UNC80: variants seen among roughly 807,000 people sequenced by gnomAD.
UNC80 encodes protein unc-80 homolog.
Under a neutral mutation model 384.6 loss-of-function variants are expected in UNC80, and 164 were observed. The observed-to-expected ratio is 0.43, with a 90% CI of 0.38 to 0.49. The LOEUF (loss-of-function observed/expected upper bound fraction) is 0.49, where lower values mean the gene tolerates loss of function less well. Ranked by LOEUF, UNC80 falls within the 20% of genes least tolerant of loss-of-function variation. The probability of loss-of-function intolerance (pLI) is 0.00; values close to 1 mark genes in which losing one functional copy is unlikely to be tolerated. For synonymous variants in UNC80, 1,486 were observed against 1,527.8 expected (o/e 0.97, Z 0.64); for missense variants, 3,330 against 4,143.0 (o/e 0.80, Z 5.39).
intron 22 of UNC80, among the ~76,000 whole-genome samples, chr2:209,866,521 CACACACACACACAGAGAGAGAGAGAG>C (rs1559226924): frequency 1.4e-3 from 199 of 142,572 alleles, no homozygotes; most frequent in African/African-American, 5.0e-3. Context: ...CACACACACA[CACACACACACACAGAGAGAGAGAGAG>C]AGAGAGAGAG....
chr2:209,786,892 T>C (rs1424351872), intron 5 of UNC80, among the ~76,000 whole-genome samples: 1 of 151,226 alleles, frequency 6.6e-6, no homozygotes, highest in Non-Finnish European at 1.5e-5. Context: ...AAGTGCTTAA[T>C]AAATTCTAGT....
At chr2:209,945,027 A>G in intron 45 of UNC80, 24 bp from the exon 46 acceptor site, 1 of 1,548,506 alleles carries the variant, frequency 6.5e-7, no homozygotes, top group Non-Finnish European at 8.7e-7. Flanking sequence ...GAGTCAATAA[A>G]CAAAAATTGT....
chr2:209,799,922 A>C (rs2078429763), intron 7 of UNC80, among the ~76,000 whole-genome samples: 7 of 152,202 alleles, frequency 4.6e-5, no homozygotes, highest in Admixed American at 4.6e-4. Context: ...GATGAAGCCA[A>C]CTTGGTCATG....
Position 209,995,847 on chromosome 2 carries a change from C to T in UNC80, c.*252C>T. ...GAGGAATAAGGGGAAAGAGCCATTTCACTGCACATTGTTTATGATTCAAGA... is the reference window on the plus strand; with the variant it reads ...GAGGAATAAGGGGAAAGAGCCATTTTACTGCACATTGTTTATGATTCAAGA... On this transcript the variant is annotated 3_prime_UTR_variant, in exon 65 of 65. Coordinates refer to ENST00000673920, the MANE Select transcript of UNC80 (RefSeq NM_001371986.1). 2.3e-6 allele frequency: 1 copy of T among 433,378 alleles called. No homozygotes were observed. The allele number at this position is 433,378 out of a possible 1,614,324, so 26.8% of individuals were successfully genotyped here. A position where few individuals can be genotyped will look rare whatever the true frequency, so the allele number is the denominator to read the frequency against.
At chr2:209,989,822 A>G (rs942960879) in intron 61 of UNC80, among the ~76,000 whole-genome samples, 6 of 152,194 alleles carry the variant, frequency 3.9e-5, no homozygotes, top group Admixed American at 6.5e-5. Context: ...CCAGAAAAAG[A>G]AACATGTTCT....
chr2:209,852,205 C>T (rs942917934), intron 22 of UNC80, among the ~76,000 whole-genome samples: 2 of 151,934 alleles, frequency 1.3e-5, no homozygotes, highest in Non-Finnish European at 2.9e-5. Context: ...AGTAGGAGTT[C>T]CTTTCATACC....
intron 25 of UNC80, among the ~76,000 whole-genome samples, chr2:209,884,139 T>A (rs2085558322): frequency 6.6e-6 from 1 of 152,150 alleles, no homozygotes; most frequent in Non-Finnish European, 1.5e-5. Context: ...ATAAGCAAAT[T>A]TTTTCTAAAT....
intron 22 of UNC80, among the ~76,000 whole-genome samples, chr2:209,862,649 C>CTTTTTTTTTTTTTTTTTTTTTTTT (rs71043955): frequency 1.8e-4 from 14 of 78,822 alleles, no homozygotes; most frequent in African/African-American, 6.1e-4. Context: ...GCAACCTCTG[C>CTTTTTTTTTTTTTTTTTTTTTTTT]TTTTTTTTTT....
At chr2:209,865,383 G>A (rs1420681023) in intron 22 of UNC80, among the ~76,000 whole-genome samples, 1 of 151,982 alleles carries the variant, frequency 6.6e-6, no homozygotes, top group East Asian at 1.9e-4. Flanking sequence ...CAGGCGGATC[G>A]CGAGGTCAGG....
intron 47 of UNC80, among the ~76,000 whole-genome samples, chr2:209,953,232 A>C (rs935275773): frequency 6.6e-5 from 10 of 152,024 alleles, no homozygotes; most frequent in African/African-American, 2.2e-4. Context: ...AGCCTGGCCA[A>C]CATAGTGAAA....
chr2:209,969,746 T>G, intron 52 of UNC80, 22 bp from the exon 53 acceptor site: 2 of 1,551,456 alleles, frequency 1.3e-6, no homozygotes, highest in Non-Finnish European at 1.7e-6. Flanking sequence ...AAGACGCTAA[T>G]GGCGCCTATA....
chr2:209,978,534 C>T lies in UNC80; in HGVS notation c.8944C>T (p.Gln2982Ter). ...TGGTCTCTCGCATCCTCTAGCCTAC[C>T]AAGGCAAGACATCCATCAGTACCGT... ...KEAVHSGSAYQGKTSISTVGT... is the reference protein window; with the variant it reads ...KEAVHSGSAY Residue 2982 changes from glutamine (Q) to a stop codon, truncating the protein, a stop_gained, in exon 59 of 65, where the codon CAA (glutamine) becomes TAA (stop). Transcript: ENST00000673920. LOFTEE classifies it high-confidence loss of function. 6.5e-7 allele frequency: 1 copy of T among 1,540,654 alleles called. No individual in the cohort carries two copies. Among genetic ancestry groups the T allele is most frequent in the Non-Finnish European group, 8.8e-7 (1 of 1,138,526 alleles).
chr2:209,922,525 T>C, intron 35 of UNC80, 142 bp downstream of exon 35: 2 of 1,079,756 alleles, frequency 1.9e-6, no homozygotes, highest in Admixed American at 3.0e-5. Context: ...AAAATTAGCA[T>C]GGCATCCTTT....
At chr2:209,985,705 T>C (rs1361443049) in intron 61 of UNC80, among the ~76,000 whole-genome samples, 1 of 152,196 alleles carries the variant, frequency 6.6e-6, no homozygotes, top group Non-Finnish European at 1.5e-5. Flanking sequence ...TAATCCTCAT[T>C]AGGGGTAAGG....
chr2:209,962,227 G>A (rs2092615363), intron 51 of UNC80, among the ~76,000 whole-genome samples: 1 of 152,058 alleles, frequency 6.6e-6, no homozygotes, highest in Non-Finnish European at 1.5e-5. Context: ...TTTTATGGCT[G>A]GCTTCAGGAA....
intron 53 of UNC80, 145 bp downstream of exon 53, chr2:209,970,036 GA>G (rs2092837777): frequency 9.5e-7 from 1 of 1,052,642 alleles, no homozygotes; most frequent in Non-Finnish European, 1.3e-6. Flanking sequence ...TGAAAATAGT[GA>G]GGTACATTTC....
chr2:209,883,435 T>TTC (rs2085477125), intron 25 of UNC80, among the ~76,000 whole-genome samples: 1 of 144,142 alleles, frequency 6.9e-6, no homozygotes, highest in East Asian at 2.0e-4. Flanking sequence ...TCTTTTTTTT[T>TTC]TTTTTTTTTT....
In UNC80 at chr2:209,937,613, G is replaced by C. The variant is rs1462654075; in HGVS notation, c.6448G>C (p.Glu2150Gln). ...ACATATGCATCCAGAGAAGGGACAG[G>C]AGCTCATTCAGAAACAGGTGACAGA... ...LVHMHPEKGQ[E>Q]LIQKQVFTRK... The change falls in exon 42 of 65, where the codon GAG (glutamate) becomes CAG (glutamine). Residue 2150 changes from glutamate to glutamine, a missense_variant. Around this residue, in one of 8 missense-constraint regions of UNC80, gnomAD observed 1,049 missense variants for 1,488.6 expected, o/e 0.70. Transcript: ENST00000673920. 4 of 1,551,476 alleles carry C rather than the reference G, an allele frequency of 2.6e-6. No homozygotes were observed. The highest frequency in any genetic ancestry group is 2.0e-5 in the Admixed American group (1 of 50,984).
At chr2:209,857,938 A>T (rs2083056819) in intron 22 of UNC80, among the ~76,000 whole-genome samples, 1 of 152,166 alleles carries the variant, frequency 6.6e-6, no homozygotes, top group Non-Finnish European at 1.5e-5. Context: ...GACCTAAAAT[A>T]TTATCAGTTT....
Sources: gnomAD v4.1 joint callset for allele counts (sites outside exome capture counted in the v4.1 genomes callset) on GRCh38, gnomAD v4.1.1 for gene constraint, gnomAD v4.1.1 regional missense constraint, MANE v1.5 for transcripts, NCBI Gene and HGNC (gene_info 2026-07-23, HGNC 2026-07-21) for gene names.